LUZP2: variants seen among roughly 807,000 people sequenced by gnomAD.
LUZP2 encodes the protein leucine zipper protein 2.
In LUZP2, 52 loss-of-function variants were observed where a neutral mutation model predicts 51.6. The ratio of observed to expected loss-of-function variants is 1.01; its 90% CI spans 0.81 to 1.27. The LOEUF is 1.27. Ranked by LOEUF, LUZP2 falls within the 50% of genes most tolerant of loss-of-function variation. LUZP2 has a pLI of 0.00. For missense variants in LUZP2, 436 were observed against 395.4 expected (o/e 1.10, Z -0.87); for synonymous variants, 154 against 137.3 (o/e 1.12, Z -0.85).
chr11:24,997,387 T>C (rs959677984), intron 9 of LUZP2, among the ~76,000 whole-genome samples: 1 of 152,218 alleles, frequency 6.6e-6, no homozygotes, highest in Non-Finnish European at 1.5e-5. Context: ...GAGCATTTTT[T>C]CCTGTGTTTT....
intron 4 of LUZP2, chr11:24,763,030 A>G (rs1183192489): frequency 2.6e-5 from 18 of 700,178 alleles, no homozygotes; most frequent in Middle Eastern, 1.5e-3. Flanking sequence ...AAAATAATAA[A>G]TAGTTTGTTA....
At position 24,729,168 on chromosome 11, in the gene LUZP2, G is replaced by A. The variant is rs752774097; in HGVS notation, c.63-1G>A. ...TCTCATGCCTGTTCTTTCTGTGTTA[G>A]ACAGGACTATGAAGAGCTAGAAAAG... On this transcript the variant is annotated splice_acceptor_variant, in intron 1 of 11. Coordinates refer to ENST00000336930, the MANE Select transcript of LUZP2 (RefSeq NM_001009909.4). LOFTEE classifies it high-confidence loss of function. 1.3e-6 allele frequency: 2 copies of A among 1,526,480 alleles called. No homozygotes were observed. Among genetic ancestry groups the A allele is most frequent in the Non-Finnish European group, 1.8e-6 (2 of 1,122,358 alleles). 94.6% of individuals were successfully genotyped at this position (1,526,480 alleles called of 1,614,324 possible). A position where few individuals can be genotyped will look rare whatever the true frequency, so the allele number is the denominator to read the frequency against.
In LUZP2 at chr11:24,611,046, C is replaced by A. The variant is rs1437075360; in HGVS notation, c.62+113741C>A. ...AATTGTTATAATGTACCTTACATGA[C>A]ATAGCTTTGTTTTTTTTTATTTTTA... On this transcript the variant is annotated intron_variant, in intron 1 of 11. Coordinates refer to ENST00000336930, the MANE Select transcript of LUZP2 (RefSeq NM_001009909.4). The surrounding 1 kb of genome is among the most constrained non-coding windows in gnomAD (Gnocchi z 4.6). Among the ~76,000 whole-genome samples, 2 of 148,552 alleles carry A rather than the reference C, an allele frequency of 1.3e-5. No individual in the cohort carries two copies. Among genetic ancestry groups the A allele is most frequent in the African/African-American group, 2.5e-5 (1 of 40,264 alleles).
intron 7 of LUZP2, among the ~76,000 whole-genome samples, chr11:24,969,222 T>C (rs1855677563): frequency 6.6e-6 from 1 of 152,178 alleles, no homozygotes; most frequent in African/African-American, 2.4e-5. Context: ...TCCTATGTTC[T>C]TATCATTTAG....
At chr11:24,880,793 G>C (rs568504956) in intron 5 of LUZP2, among the ~76,000 whole-genome samples, 1 of 151,828 alleles carries the variant, frequency 6.6e-6, no homozygotes, top group East Asian at 1.9e-4. Flanking sequence ...TTTGTGTTTT[G>C]GAACTCGGAT....
At chr11:24,632,861 A>G (rs1854943206) in intron 1 of LUZP2, among the ~76,000 whole-genome samples, 1 of 152,070 alleles carries the variant, frequency 6.6e-6, no homozygotes, top group African/African-American at 2.4e-5. Context: ...TGGGGATATT[A>G]GTACTCACCC....
intron 9 of LUZP2, among the ~76,000 whole-genome samples, chr11:24,994,448 G>T (rs1000984279): frequency 6.6e-6 from 1 of 152,156 alleles, no homozygotes; most frequent in African/African-American, 2.4e-5. Context: ...TGATCATGAT[G>T]CAAGGGACTG....
chr11:25,039,727 G>A (rs113232862), intron 9 of LUZP2, among the ~76,000 whole-genome samples: 22 of 152,240 alleles, frequency 1.4e-4, no homozygotes, highest in East Asian at 5.8e-4. Context: ...CCCTTCACTC[G>A]TATCTTCCTC....
chr11:24,652,428 G>T (rs1323623456), intron 1 of LUZP2, among the ~76,000 whole-genome samples: 2 of 152,030 alleles, frequency 1.3e-5, no homozygotes, highest in Non-Finnish European at 2.9e-5. Context: ...ATCTTAGATG[G>T]ACTATGAAGA....
rs561742115 is a variant in LUZP2 at position 24,995,155 on chromosome 11, G to A, written c.765+11862G>A. Reference sequence around the variant, plus strand: ...TGTAATCCCAACACTTTTGGAGGCCGAGGCAGGTGAGCCTTGTCCTTGAGC... The same window carrying A: ...TGTAATCCCAACACTTTTGGAGGCCAAGGCAGGTGAGCCTTGTCCTTGAGC... On this transcript the variant is annotated intron_variant, in intron 9 of 11. Transcript: ENST00000336930. Among the ~76,000 whole-genome samples the A allele has an allele frequency of 1.1e-4, 16 of 152,278 alleles. 1 individual carries two copies. In the East Asian group the frequency reaches 3.1e-3, roughly 29 times the overall value.
At chr11:24,866,043 G>C (rs762353659) in intron 5 of LUZP2, among the ~76,000 whole-genome samples, 1 of 151,318 alleles carries the variant, frequency 6.6e-6, no homozygotes, top group Admixed American at 6.6e-5. Flanking sequence ...TCTTGACCTC[G>C]AGTGATCCGT....
At chr11:25,015,275 G>C in intron 9 of LUZP2, among the ~76,000 whole-genome samples, 1 of 152,210 alleles carries the variant, frequency 6.6e-6, no homozygotes. Flanking sequence ...CGATAGTACA[G>C]AGAATTCCTG....
chr11:24,751,015 T>C (rs893584378), intron 4 of LUZP2, among the ~76,000 whole-genome samples: 3 of 152,154 alleles, frequency 2.0e-5, no homozygotes, highest in African/African-American at 7.2e-5. Flanking sequence ...TATCATTCAT[T>C]CCAAGAATAC....
At chr11:24,834,768 CTT>C (rs1850809117) in intron 5 of LUZP2, among the ~76,000 whole-genome samples, 1 of 152,130 alleles carries the variant, frequency 6.6e-6, no homozygotes, top group African/African-American at 2.4e-5. Flanking sequence ...TGTTTTCTGA[CTT>C]TCATAATTGC....
intron 9 of LUZP2, among the ~76,000 whole-genome samples, chr11:25,026,302 AAAAAT>A (rs869169172): frequency 8.5e-5 from 13 of 152,258 alleles, no homozygotes; most frequent in African/African-American, 2.6e-4. Context: ...AAAAACATGT[AAAAAT>A]AAAATAAAAT....
chr11:24,550,769 T>C (rs1274341197), intron 1 of LUZP2, among the ~76,000 whole-genome samples: 1 of 152,046 alleles, frequency 6.6e-6, no homozygotes, highest in Non-Finnish European at 1.5e-5. Flanking sequence ...GGTTTAACTC[T>C]CCACCAAAAA....
intron 1 of LUZP2, among the ~76,000 whole-genome samples, chr11:24,686,502 A>G (rs1181076933): frequency 6.6e-6 from 1 of 152,214 alleles, no homozygotes; most frequent in East Asian, 1.9e-4. Context: ...CAGCAAATGC[A>G]TCTTTTAAGA....
chr11:24,753,997 G>T (rs1314269400), intron 4 of LUZP2, among the ~76,000 whole-genome samples: 1 of 152,004 alleles, frequency 6.6e-6, no homozygotes, highest in Non-Finnish European at 1.5e-5. Flanking sequence ...CTCAGCCTTT[G>T]ATAGTGTTGT....
At chr11:24,997,226 G>C (rs1425352622) in intron 9 of LUZP2, among the ~76,000 whole-genome samples, 2 of 151,836 alleles carry the variant, frequency 1.3e-5, no homozygotes, top group Non-Finnish European at 2.9e-5. Context: ...CTAGTTGACA[G>C]TTCCACCAAC....
Sources: gnomAD v4.1 joint callset for allele counts (sites outside exome capture counted in the v4.1 genomes callset) on GRCh38, gnomAD v4.1.1 for gene constraint, Gnocchi (gnomAD v3.1) non-coding constraint, MANE v1.5 for transcripts, NCBI Gene and HGNC (gene_info 2026-07-23, HGNC 2026-07-21) for gene names.